HDAC9: variants seen among roughly 807,000 people sequenced by gnomAD.
HDAC9 encodes histone deacetylase 9, also known as MEF-2 interacting transcription repressor (MITR) protein.
Under a neutral mutation model 139.4 loss-of-function variants are expected in HDAC9, and 41 were observed. The observed-to-expected ratio is 0.29, with a 90% CI of 0.23 to 0.38. The LOEUF (loss-of-function observed/expected upper bound fraction) is 0.38, where lower values mean the gene tolerates loss of function less well. HDAC9 is among the 10% of genes least tolerant of loss of function. The probability of loss-of-function intolerance (pLI) is 1.00; values close to 1 mark genes in which losing one functional copy is unlikely to be tolerated. For missense variants in HDAC9, 1,147 were observed against 1,297.0 expected (o/e 0.88, Z 1.78); for synonymous variants, 517 against 476.2 (o/e 1.09, Z -1.12).
intron 22 of HDAC9, among the ~76,000 whole-genome samples, chr7:18,935,349 A>G (rs1186767436): frequency 2.0e-5 from 3 of 152,236 alleles, no homozygotes; most frequent in African/African-American, 7.2e-5. Flanking sequence ...ACATTAGATA[A>G]TGTAAATATT....
rs529189462 is a variant in HDAC9, at chr7:18,260,740, T to G, written c.25+98391T>G. ...GAATTAATAATTTATTGCTCAAGAG[T>G]AAGAGTAAATGAATAACTAGGAGAT... On this transcript the variant is annotated intron_variant, in intron 2 of 12. Coordinates refer to the HDAC9 transcript ENST00000417496. Among the ~76,000 whole-genome samples the G allele has an allele frequency of 2.0e-5, 3 of 152,182 alleles. No homozygotes were observed. In the East Asian group the frequency reaches 5.8e-4, roughly 29 times the overall value.
intron 12 of HDAC9, among the ~76,000 whole-genome samples, chr7:18,697,888 A>G (rs1584865266): frequency 1.3e-5 from 2 of 152,084 alleles, no homozygotes; most frequent in African/African-American, 4.8e-5. Flanking sequence ...AGGCATGATG[A>G]GGGTGATCAG....
At chr7:18,525,681 G>GC (rs1554467776) in intron 2 of HDAC9, among the ~76,000 whole-genome samples, 1 of 152,008 alleles carries the variant, frequency 6.6e-6, no homozygotes, top group Non-Finnish European at 1.5e-5. Flanking sequence ...CTGAAACATA[G>GC]AATATATTAA....
At chr7:18,244,739 A>T (rs1794405046) in intron 2 of HDAC9, among the ~76,000 whole-genome samples, 1 of 152,140 alleles carries the variant, frequency 6.6e-6, no homozygotes, top group African/African-American at 2.4e-5. Context: ...CGGAGCTTGC[A>T]GTGAGCCAAG....
intron 22 of HDAC9, among the ~76,000 whole-genome samples, chr7:18,882,078 T>C (rs1799780753): frequency 6.6e-6 from 1 of 152,132 alleles, no homozygotes; most frequent in Non-Finnish European, 1.5e-5. Flanking sequence ...GCCTGGAACA[T>C]AGTCTAAATA....
At chr7:18,284,336 A>G (rs1426289783) in intron 2 of HDAC9, among the ~76,000 whole-genome samples, 3 of 152,202 alleles carry the variant, frequency 2.0e-5, no homozygotes, top group Non-Finnish European at 2.9e-5. Flanking sequence ...TACATGAAAC[A>G]TGAAACTCTG....
chr7:18,294,738 CTA>C (rs1562845512), intron 1 of HDAC9, among the ~76,000 whole-genome samples: 1 of 152,070 alleles, frequency 6.6e-6, no homozygotes, highest in Non-Finnish European at 1.5e-5. Flanking sequence ...TATTTTTAAA[CTA>C]GTTGCAGAGT....
chr7:18,351,914 A>G (rs1782876174), intron 1 of HDAC9, among the ~76,000 whole-genome samples: 1 of 152,222 alleles, frequency 6.6e-6, no homozygotes, highest in Admixed American at 6.5e-5. Flanking sequence ...TTGACGGTGA[A>G]TATGTGGAAA....
intron 8 of HDAC9, among the ~76,000 whole-genome samples, chr7:18,641,059 G>A (rs950657646): frequency 1.3e-5 from 2 of 152,116 alleles, no homozygotes; most frequent in Non-Finnish European, 2.9e-5. Context: ...CCCTGTGGCA[G>A]TTGACATTGT....
intron 1 of HDAC9, among the ~76,000 whole-genome samples, chr7:18,426,709 C>T (rs1357370759): frequency 2.0e-5 from 3 of 152,128 alleles, no homozygotes; most frequent in Admixed American, 6.5e-5. Context: ...TAGTTTTATA[C>T]TTTATGAATC....
At chr7:18,216,106 C>CTGTG (rs56214633) in intron 2 of HDAC9, among the ~76,000 whole-genome samples, 4 of 148,054 alleles carry the variant, frequency 2.7e-5, no homozygotes, top group South Asian at 2.2e-4. Flanking sequence ...GCCTGCGTGT[C>CTGTG]TGTGTGTGTG....
chr7:18,931,578 G>C (rs1563065908), intron 22 of HDAC9, among the ~76,000 whole-genome samples: 1 of 152,142 alleles, frequency 6.6e-6, no homozygotes, highest in Non-Finnish European at 1.5e-5. Context: ...CACTCATCCT[G>C]TTCATGGTGA....
intron 1 of HDAC9, among the ~76,000 whole-genome samples, chr7:18,455,912 C>T (rs1037039147): frequency 5.9e-5 from 9 of 152,034 alleles, no homozygotes; most frequent in Non-Finnish European, 7.4e-5. Context: ...TCAGCTATAA[C>T]CAGAAAACAT....
intron 22 of HDAC9, among the ~76,000 whole-genome samples, chr7:18,890,631 C>A (rs1800598578): frequency 6.6e-6 from 1 of 152,224 alleles, no homozygotes; most frequent in South Asian, 2.1e-4. Context: ...AAGATAAATA[C>A]AAAGAATGAA....
intron 1 of HDAC9, among the ~76,000 whole-genome samples, chr7:18,308,157 T>G (rs1799056224): frequency 6.6e-6 from 1 of 152,216 alleles, no homozygotes; most frequent in Non-Finnish European, 1.5e-5. Context: ...ATTTTAATAG[T>G]GTCACTGACT....
chr7:18,985,207 A>G (rs1056348244), intron 25 of HDAC9, among the ~76,000 whole-genome samples: 1 of 152,044 alleles, frequency 6.6e-6, no homozygotes, highest in Non-Finnish European at 1.5e-5. Context: ...ATATCTCCCA[A>G]TGCTATCCCT....
chr7:18,653,350 T>G (rs999949005), intron 11 of HDAC9, among the ~76,000 whole-genome samples: 1 of 152,092 alleles, frequency 6.6e-6, no homozygotes, highest in African/African-American at 2.4e-5. Flanking sequence ...ATTACTTCTC[T>G]GGATTATCTT....
rs140031872 is a variant in HDAC9 at position 18,667,132 on chromosome 7, C to G, written c.1731+656C>G. On this transcript the variant is annotated intron_variant, in intron 12 of 25. Coordinates refer to ENST00000686413, the MANE Select transcript of HDAC9 (RefSeq NM_178425.4). ...TTAAATATATAGATGCAAATTGCAG[C>G]ACTACTTTAAATATTAGATTATGTC... The G allele has an allele frequency of 8.2e-5, 81 of 984,966 alleles. No individual in the cohort carries two copies. In the African/African-American group the frequency reaches 1.4e-3, roughly 17 times the overall value. 61.0% of individuals were successfully genotyped at this position (984,966 alleles called of 1,614,324 possible). A position where few individuals can be genotyped will look rare whatever the true frequency, so the allele number is the denominator to read the frequency against.
At chr7:18,972,954 A>C (rs73067232) in intron 24 of HDAC9, among the ~76,000 whole-genome samples, 1,654 of 152,338 alleles carry the variant, frequency 0.011, 15 homozygotes, top group Non-Finnish European at 0.017. Context: ...CAATATACAT[A>C]ATTCTTTTAA....
Sources: gnomAD v4.1 joint callset for allele counts (sites outside exome capture counted in the v4.1 genomes callset) on GRCh38, gnomAD v4.1.1 for gene constraint, MANE v1.5 for transcripts, NCBI Gene and HGNC (gene_info 2026-07-23, HGNC 2026-07-21) for gene names.